TACR3: variants seen among roughly 807,000 people sequenced by gnomAD.
TACR3 encodes the protein neuromedin-K receptor.
TACR3 carries 34 observed loss-of-function variants against 35.0 expected under a neutral mutation model. The observed-to-expected ratio is 0.97, with a 90% CI of 0.74 to 1.30. The LOEUF (loss-of-function observed/expected upper bound fraction) is 1.30. TACR3 is among the 50% of genes most tolerant of loss of function. The pLI, the probability that TACR3 is intolerant of heterozygous loss-of-function variation, is 0.00. For synonymous variants in TACR3, 233 were observed against 221.1 expected, an observed-to-expected ratio of 1.05 and a Z score of -0.48; for missense variants, 558 against 591.7, an observed-to-expected ratio of 0.94 and a Z score of 0.59.
At chr4:103,681,313 C>A (rs1722081204) in intron 1 of TACR3, among the ~76,000 whole-genome samples, 1 of 151,972 alleles carries the variant, frequency 6.6e-6, no homozygotes, top group African/African-American at 2.4e-5. Context: ...AATATAGTGT[C>A]TCTCTCTCAC....
chr4:103,615,041 C>T (rs2110299694), intron 3 of TACR3, among the ~76,000 whole-genome samples: 1 of 151,586 alleles, frequency 6.6e-6, no homozygotes, highest in South Asian at 2.1e-4. Context: ...ACTACAGGCG[C>T]CCGCCATCAC....
At chr4:103,659,275 G>C (rs577151990) in intron 1 of TACR3, among the ~76,000 whole-genome samples, 1 of 152,130 alleles carries the variant, frequency 6.6e-6, no homozygotes, top group Non-Finnish European at 1.5e-5. Flanking sequence ...TAATGATTTG[G>C]TATTGTGCCT....
At chr4:103,702,380 T>G (rs947725796) in intron 1 of TACR3, among the ~76,000 whole-genome samples, 4 of 152,042 alleles carry the variant, frequency 2.6e-5, no homozygotes. Flanking sequence ...AGAATGGCGA[T>G]CATTAAAAAG....
intron 1 of TACR3, among the ~76,000 whole-genome samples, chr4:103,717,666 A>C (rs1305903390): frequency 6.6e-6 from 1 of 152,146 alleles, no homozygotes; most frequent in Non-Finnish European, 1.5e-5. Flanking sequence ...CCCTAATCAA[A>C]ACATCAAAAA....
chr4:103,659,075 C>T (rs1338510272), intron 1 of TACR3, among the ~76,000 whole-genome samples: 3 of 152,100 alleles, frequency 2.0e-5, no homozygotes, highest in Admixed American at 1.3e-4. Context: ...AATCTAATGC[C>T]GCTGACCTGA....
chr4:103,613,915 C>G (rs62340650), intron 3 of TACR3, among the ~76,000 whole-genome samples: 71,992 of 151,708 alleles, frequency 0.47, 17,481 homozygotes, highest in Middle Eastern at 0.56. Context: ...GAGGCAGAGA[C>G]AGAAAGAGAA....
intron 1 of TACR3, among the ~76,000 whole-genome samples, chr4:103,697,402 G>GTTTGTTTGTTTATTTA (rs139321846): frequency 2.5e-4 from 36 of 144,972 alleles, no homozygotes; most frequent in Admixed American, 2.2e-3. Context: ...TTATTTATTT[G>GTTTGTTTGTTTATTTA]TTTATTTATT....
chr4:103,590,423 T>C lies in TACR3; in HGVS notation c.1086-429A>G, dbSNP rs540606870. ...TCTTTCAGAAATGATTACACATTTA[T>C]AAATTAAAGTCTCGTTTAATGTTAG... On this transcript the variant is annotated intron_variant, in intron 4 of 4. Coordinates refer to ENST00000304883, the MANE Select transcript of TACR3 (RefSeq NM_001059.3). Among the ~76,000 whole-genome samples, 7 of 152,332 alleles carry C rather than the reference T, an allele frequency of 4.6e-5. 1 individual carries two copies. In the South Asian group the frequency reaches 8.3e-4, roughly 18 times the overall value.
chr4:103,685,900 A>G (rs777402696), intron 1 of TACR3, among the ~76,000 whole-genome samples: 1 of 152,152 alleles, frequency 6.6e-6, no homozygotes, highest in Non-Finnish European at 1.5e-5. Flanking sequence ...GGGTGGGGAC[A>G]TCTATGAGAA....
chr4:103,646,876 T>G (rs1453137003), intron 3 of TACR3, among the ~76,000 whole-genome samples: 1 of 151,962 alleles, frequency 6.6e-6, no homozygotes, highest in South Asian at 2.1e-4. Flanking sequence ...ACAAATGACT[T>G]TGAGAAGATA....
intron 1 of TACR3, among the ~76,000 whole-genome samples, chr4:103,692,359 G>A (rs1722423050): frequency 6.6e-6 from 1 of 152,104 alleles, no homozygotes; most frequent in Non-Finnish European, 1.5e-5. Context: ...TCAGTTCACA[G>A]GAAGACATAA....
chr4:103,658,122 A>C (rs1725768787), intron 2 of TACR3, 93 bp downstream of exon 2: 1 of 1,234,364 alleles, frequency 8.1e-7, no homozygotes, highest in African/African-American at 1.5e-5. Context: ...ACCCTGGGGG[A>C]AATGTCAGTC....
chr4:103,598,809 C>T (rs1184146105), intron 3 of TACR3, among the ~76,000 whole-genome samples: 1 of 152,114 alleles, frequency 6.6e-6, no homozygotes, highest in Admixed American at 6.5e-5. Flanking sequence ...TTCCATTGGT[C>T]TATATATCTG....
chr4:103,638,409 C>G (rs1666508821), intron 3 of TACR3, among the ~76,000 whole-genome samples: 1 of 151,872 alleles, frequency 6.6e-6, no homozygotes, highest in Non-Finnish European at 1.5e-5. Flanking sequence ...GAAACTGGAT[C>G]CCTTCCTTAC....
chr4:103,639,428 C>G (rs1725293934), intron 3 of TACR3, among the ~76,000 whole-genome samples: 3 of 151,894 alleles, frequency 2.0e-5, no homozygotes, highest in Non-Finnish European at 4.4e-5. Context: ...ACATCACACA[C>G]CAGGGACTGT....
intron 1 of TACR3, among the ~76,000 whole-genome samples, chr4:103,716,751 G>A (rs984997998): frequency 2.2e-4 from 34 of 152,184 alleles, no homozygotes; most frequent in South Asian, 1.5e-3. Flanking sequence ...GGAACAAAGC[G>A]AATTGAATAT....
intron 3 of TACR3, among the ~76,000 whole-genome samples, chr4:103,597,769 A>G (rs1724071840): frequency 6.6e-6 from 1 of 152,192 alleles, no homozygotes; most frequent in Middle Eastern, 3.2e-3. Flanking sequence ...ATGTCCCTAC[A>G]AAGGACATGA....
chr4:103,656,947 AAAAC>A (rs1483338251), intron 2 of TACR3, among the ~76,000 whole-genome samples: 1 of 57,016 alleles, frequency 1.8e-5, no homozygotes. Context: ...TAACTTGGTA[AAAAC>A]AAAACAAAAC....
intron 3 of TACR3, among the ~76,000 whole-genome samples, chr4:103,620,415 A>AGAAAATAAAT: frequency 6.6e-6 from 1 of 152,360 alleles, no homozygotes; most frequent in South Asian, 2.1e-4. Context: ...GGTACACCAA[A>AGAAAATAAAT]GAAAATAAAT....
Sources: gnomAD v4.1 joint callset for allele counts (sites outside exome capture counted in the v4.1 genomes callset) on GRCh38, gnomAD v4.1.1 for gene constraint, MANE v1.5 for transcripts, NCBI Gene and HGNC (gene_info 2026-07-23, HGNC 2026-07-21) for gene names.